Variants in ENTREP2 observed in about 807,000 individuals in gnomAD.
ENTREP2 encodes the protein protein ENTREP2.
chr15:29,537,824 T>C, the ENTREP2 span, among the ~76,000 whole-genome samples: 1 of 151,920 alleles, frequency 6.6e-6, no homozygotes, highest in African/African-American at 2.4e-5. Flanking sequence ...TTCCCATTGC[T>C]CCCCCTCTTC....
At chr15:29,210,254 T>C in the ENTREP2 span, among the ~76,000 whole-genome samples, 1 of 152,162 alleles carries the variant, frequency 6.6e-6, no homozygotes, top group Admixed American at 6.5e-5. Flanking sequence ...TGGGGGCTAC[T>C]CCTACAGCCA....
At chr15:29,211,466 A>C in the ENTREP2 span, among the ~76,000 whole-genome samples, 1 of 152,188 alleles carries the variant, frequency 6.6e-6, no homozygotes, top group African/African-American at 2.4e-5. Flanking sequence ...AGAATATGGG[A>C]AATTACTTTC....
the ENTREP2 span, among the ~76,000 whole-genome samples, chr15:29,416,417 A>G: frequency 6.6e-6 from 1 of 152,244 alleles, no homozygotes; most frequent in Non-Finnish European, 1.5e-5. Flanking sequence ...TATTTAATAA[A>G]TGGTGTTGGG....
At chr15:29,313,064 C>G in the ENTREP2 span, among the ~76,000 whole-genome samples, 1 of 152,244 alleles carries the variant, frequency 6.6e-6, no homozygotes, top group Non-Finnish European at 1.5e-5. Context: ...AAACCAGACA[C>G]AACATTCCCT....
chr15:29,133,009 C>T, the ENTREP2 span, among the ~76,000 whole-genome samples: 6 of 152,288 alleles, frequency 3.9e-5, no homozygotes, highest in East Asian at 1.2e-3. Flanking sequence ...GAACCACACA[C>T]CCCTGCCGCC....
At chr15:29,524,974 C>G in the ENTREP2 span, among the ~76,000 whole-genome samples, 1 of 152,222 alleles carries the variant, frequency 6.6e-6, no homozygotes, top group East Asian at 1.9e-4. Flanking sequence ...TATGATTTCA[C>G]TATTTCTTTA....
chr15:29,442,720 C>T, the ENTREP2 span, among the ~76,000 whole-genome samples: 1 of 152,198 alleles, frequency 6.6e-6, no homozygotes, highest in Non-Finnish European at 1.5e-5. Context: ...CCCCGTGCCC[C>T]CCGACCTGGA....
At chr15:29,326,501 A>T in the ENTREP2 span, among the ~76,000 whole-genome samples, 1 of 152,294 alleles carries the variant, frequency 6.6e-6, no homozygotes, top group South Asian at 2.1e-4. Context: ...TTAGGTATAA[A>T]TCTGACAAAA....
the ENTREP2 span, among the ~76,000 whole-genome samples, chr15:29,227,043 A>G: frequency 5.3e-5 from 8 of 152,206 alleles, no homozygotes; most frequent in Non-Finnish European, 1.0e-4. Flanking sequence ...TTCGGCAGAC[A>G]TTTCCCGAGT....
chr15:29,479,306 TA>T, the ENTREP2 span, among the ~76,000 whole-genome samples: 1 of 151,630 alleles, frequency 6.6e-6, no homozygotes, highest in Non-Finnish European at 1.5e-5. Flanking sequence ...CCTCTGTGAA[TA>T]AAACTCCCTG....
the ENTREP2 span, among the ~76,000 whole-genome samples, chr15:29,567,589 CAG>C: frequency 6.6e-6 from 1 of 152,122 alleles, no homozygotes; most frequent in Middle Eastern, 3.2e-3. Flanking sequence ...TGGCTTGGAA[CAG>C]AGTCAGGCTC....
the ENTREP2 span, chr15:29,265,356 A>T: frequency 6.6e-6 from 1 of 152,246 alleles, no homozygotes; most frequent in African/African-American, 2.4e-5. Context: ...AAAGAATTAT[A>T]GGCTGGGCGA....
the ENTREP2 span, among the ~76,000 whole-genome samples, chr15:29,308,217 A>AAT: frequency 1.1e-4 from 16 of 152,268 alleles, no homozygotes; most frequent in Admixed American, 2.6e-4. Context: ...CTCTACTAAA[A>AAT]ATACAAAAAT....
the ENTREP2 span, among the ~76,000 whole-genome samples, chr15:29,338,545 C>T: frequency 6.6e-6 from 1 of 152,028 alleles, no homozygotes; most frequent in African/African-American, 2.4e-5. Flanking sequence ...CGGATGCAGG[C>T]AGCTGCCTTG....
At chr15:29,182,347 G>C in the ENTREP2 span, among the ~76,000 whole-genome samples, 1 of 151,748 alleles carries the variant, frequency 6.6e-6, no homozygotes, top group African/African-American at 2.4e-5. Flanking sequence ...GGATGGTCTC[G>C]ATCTCCTGAC....
chr15:29,220,374 T>G, the ENTREP2 span, among the ~76,000 whole-genome samples: 1 of 152,272 alleles, frequency 6.6e-6, no homozygotes, highest in Non-Finnish European at 1.5e-5. Context: ...AAACGCACGT[T>G]ATTTTTGGCT....
At chr15:29,154,442 A>G in the ENTREP2 span, among the ~76,000 whole-genome samples, 25 of 150,774 alleles carry the variant, frequency 1.7e-4, no homozygotes, top group East Asian at 4.9e-3. Context: ...CTTACTCTCA[A>G]ATCCATGTCA....
chr15:29,482,434 G>A, the ENTREP2 span, among the ~76,000 whole-genome samples: 2 of 152,142 alleles, frequency 1.3e-5, no homozygotes, highest in Non-Finnish European at 2.9e-5. Flanking sequence ...GTATAACAAC[G>A]TGTATCCACC....
the ENTREP2 span, among the ~76,000 whole-genome samples, chr15:29,224,169 C>CTACAGACCTTCGTGGTGAG: frequency 2.0e-5 from 3 of 152,134 alleles, no homozygotes; most frequent in Non-Finnish European, 4.4e-5. Context: ...AGCAGTGAAG[C>CTACAGACCTTCGTGGTGAG]TACAGACCTT....
Sources: gnomAD v4.1 joint callset for allele counts (sites outside exome capture counted in the v4.1 genomes callset) on GRCh38, gnomAD v4.1.1 for gene constraint, MANE v1.5 for transcripts, NCBI Gene and HGNC (gene_info 2026-07-23, HGNC 2026-07-21) for gene names.